The following TEX101 variants were observed in gnomAD, a reference collection of about 807,000 sequenced individuals.
The protein encoded by TEX101 is testis expressed 101, also known as testis-expressed protein 101.
In TEX101, 10 loss-of-function variants were observed where a neutral mutation model predicts 18.1. The ratio of observed to expected loss-of-function variants is 0.55; its 90% CI spans 0.34 to 0.94. TEX101 has a LOEUF of 0.94. TEX101 is among the 40% of genes least tolerant of loss of function. TEX101 has a pLI of 0.02. For missense variants in TEX101, 259 were observed against 298.9 expected, an observed-to-expected ratio of 0.87 and a Z score of 0.98; for synonymous variants, 94 against 114.8, an observed-to-expected ratio of 0.82 and a Z score of 1.16.
At chr19:43,416,646 T>A in intron 4 of TEX101, 91 bp downstream of exon 4, 1 of 1,344,616 alleles carries the variant, frequency 7.4e-7, no homozygotes, top group Non-Finnish European at 1.0e-6. Flanking sequence ...TGGCTTAGCC[T>A]AAGTGGTCCA....
Position 43,416,455 on chromosome 19 carries a change from T to C in TEX101, c.291T>C (p.Pro97=). ...TAACAATTGTCCAGCACTCTTCACC[T>C]CCCGGCCTGATCGTGACCTCCTACA... ...EAITIVQHSS[P]PGLIVTSYSN... The change falls in exon 4 of 6, where the codon CCT becomes CCC. Residue 97 remains proline (P), a synonymous_variant. Transcript: ENST00000598265. The C allele has an allele frequency of 4.3e-6, 7 of 1,614,146 alleles. No homozygotes were observed. The highest frequency in any genetic ancestry group is 5.9e-6 in the Non-Finnish European group (7 of 1,180,004).
chr19:43,410,481 C>T (rs1249634528), upstream of TEX101, among the ~76,000 whole-genome samples: 3 of 152,006 alleles, frequency 2.0e-5, no homozygotes, highest in East Asian at 5.8e-4. Flanking sequence ...TTGGAATTTT[C>T]CCCCAGGAAT....
intron 3 of TEX101, among the ~76,000 whole-genome samples, chr19:43,408,942 T>C (rs1031057996): frequency 6.6e-6 from 1 of 152,208 alleles, no homozygotes; most frequent in African/African-American, 2.4e-5. Flanking sequence ...GGCCTGGTGC[T>C]ACCTGAAACT....
chr19:43,413,194 G>C (rs192442665), upstream of TEX101, among the ~76,000 whole-genome samples: 2 of 152,130 alleles, frequency 1.3e-5, no homozygotes, highest in African/African-American at 4.8e-5. Flanking sequence ...TGGACCCCTC[G>C]AAGTTGTAAG....
chr19:43,412,960 GAAGT>G (rs992972687), upstream of TEX101, among the ~76,000 whole-genome samples: 8 of 152,110 alleles, frequency 5.3e-5, no homozygotes, highest in Non-Finnish European at 8.8e-5. Context: ...GAAAGAAACA[GAAGT>G]AAGATAAATA....
At chr19:43,400,173 A>C (rs1032261141), upstream of TEX101, among the ~76,000 whole-genome samples, 2 of 152,184 alleles carry the variant, frequency 1.3e-5, no homozygotes, top group African/African-American at 4.8e-5. Context: ...TTTGGCATGG[A>C]AAATATCCCA....
the TEX101 span, among the ~76,000 whole-genome samples, chr19:43,396,097 G>C: frequency 6.6e-6 from 1 of 152,134 alleles, no homozygotes; most frequent in African/African-American, 2.4e-5. Context: ...CCTTCCCCAG[G>C]GCCTGCCCTG....
the TEX101 span, among the ~76,000 whole-genome samples, chr19:43,393,136 T>C: frequency 8.5e-6 from 1 of 117,550 alleles, no homozygotes; most frequent in African/African-American, 3.5e-5. Context: ...AGGTACCCAT[T>C]GGTAGAGAGA....
intron 3 of TEX101, among the ~76,000 whole-genome samples, chr19:43,407,300 A>G (rs1970375154): frequency 6.6e-6 from 1 of 152,148 alleles, no homozygotes; most frequent in African/African-American, 2.4e-5. Context: ...CCTGGCCAAC[A>G]TGGTGAAACC....
the TEX101 span, among the ~76,000 whole-genome samples, chr19:43,394,472 CT>C: frequency 0.03 from 4,132 of 140,040 alleles, 57 homozygotes; most frequent in African/African-American, 0.046. Context: ...GCCTGACTTA[CT>C]TTTTTTTTTT....
chr19:43,404,530 C>T (rs1970344870), intron 2 of TEX101, among the ~76,000 whole-genome samples: 1 of 151,888 alleles, frequency 6.6e-6, no homozygotes, highest in Admixed American at 6.6e-5. Context: ...GTTTTCAAGC[C>T]CATAGAAAAG....
At chr19:43,406,530 C>T (rs1311097888) in intron 3 of TEX101, 2 of 705,678 alleles carry the variant, frequency 2.8e-6, no homozygotes, top group African/African-American at 3.7e-5. Flanking sequence ...GTACATGGGC[C>T]TTGCGGGCTG....
chr19:43,401,498 C>G (rs1970317469), exon 1 of TEX101: 1 of 152,200 alleles, frequency 6.6e-6, no homozygotes, highest in Non-Finnish European at 1.5e-5. Flanking sequence ...ATTTACAGAA[C>G]CATCCATCCC....
At chr19:43,409,068 A>T (rs1417633794) in intron 3 of TEX101, among the ~76,000 whole-genome samples, 1 of 152,256 alleles carries the variant, frequency 6.6e-6, no homozygotes, top group Non-Finnish European at 1.5e-5. Context: ...TAAATTTAAC[A>T]CAGTTTAATT....
At chr19:43,407,483 CAAAA>C (rs35258259) in intron 3 of TEX101, among the ~76,000 whole-genome samples, 3 of 130,792 alleles carry the variant, frequency 2.3e-5, no homozygotes, top group Admixed American at 7.6e-5. Flanking sequence ...GAAACTTCGT[CAAAA>C]AAAAAAAAAA....
At chr19:43,407,605 C>G (rs1970379251) in intron 3 of TEX101, among the ~76,000 whole-genome samples, 2 of 152,214 alleles carry the variant, frequency 1.3e-5, no homozygotes, top group Non-Finnish European at 1.5e-5. Flanking sequence ...GGTGCTCTTG[C>G]CCAGTACCAC....
chr19:43,393,730 C>T, the TEX101 span, among the ~76,000 whole-genome samples: 5 of 151,924 alleles, frequency 3.3e-5, no homozygotes, highest in Non-Finnish European at 4.4e-5. Flanking sequence ...GAGACAACCA[C>T]AGTCTGAGGT....
At chr19:43,414,290 T>C (rs141877043), upstream of TEX101, among the ~76,000 whole-genome samples, 551 of 152,318 alleles carry the variant, frequency 3.6e-3, 4 homozygotes, top group African/African-American at 0.013. Context: ...TGTGCCATCA[T>C]AGCTACTGCT....
upstream of TEX101, among the ~76,000 whole-genome samples, chr19:43,411,086 G>C (rs1465200140): frequency 6.6e-6 from 1 of 151,838 alleles, no homozygotes; most frequent in African/African-American, 2.4e-5. Context: ...GGAAGGTTTT[G>C]GTTTTTTTGA....
Sources: gnomAD v4.1 joint callset for allele counts (sites outside exome capture counted in the v4.1 genomes callset) on GRCh38, gnomAD v4.1.1 for gene constraint, MANE v1.5 for transcripts, NCBI Gene and HGNC (gene_info 2026-07-23, HGNC 2026-07-21) for gene names.